The following EAF2 variants were observed in gnomAD, a reference collection of about 807,000 sequenced individuals.
EAF2 encodes ELL-associated factor 2.
In EAF2, 29 loss-of-function variants were observed where a neutral mutation model predicts 29.4. The observed-to-expected ratio is 0.99, with a 90% confidence interval of 0.73 to 1.35. EAF2 has a LOEUF of 1.35. EAF2 is among the 40% of genes most tolerant of loss of function. The pLI is 0.00. For missense variants in EAF2, 292 were observed against 312.0 expected (o/e 0.94, Z 0.48); for synonymous variants, 103 against 102.5 (o/e 1.00, Z -0.03).
In EAF2 at chr3:121,857,089, T is replaced by C. The variant is rs371539988; in HGVS notation, c.417T>C (p.Asn139=). Reference sequence around the variant, plus strand: ...TGTGGAATTCAGCCAGGACTCCCAATCTTGTAAAACATTCTCCATCTGAAG... The same window carrying C: ...TGTGGAATTCAGCCAGGACTCCCAACCTTGTAAAACATTCTCCATCTGAAG... ...QQMWNSARTP[N]LVKHSPSEDK... Residue 139 remains asparagine (N), a synonymous_variant, in exon 4 of 6, where the codon AAT becomes AAC. Coordinates refer to ENST00000273668, the MANE Select transcript of EAF2 (RefSeq NM_018456.6). 1.9e-6 allele frequency: 3 copies of C among 1,613,824 alleles called. No homozygotes were observed. The highest frequency in any genetic ancestry group is 1.3e-5 in the African/African-American group (1 of 75,042).
intron 2 of EAF2, among the ~76,000 whole-genome samples, chr3:121,853,953 T>C (rs1009116568): frequency 6.6e-6 from 1 of 152,118 alleles, no homozygotes; most frequent in Non-Finnish European, 1.5e-5. Flanking sequence ...TGTTCCTTAA[T>C]ATGCATAGGG....
At chr3:121,854,013 CAAT>C (rs1208011926) in intron 2 of EAF2, among the ~76,000 whole-genome samples, 2 of 151,924 alleles carry the variant, frequency 1.3e-5, no homozygotes, top group African/African-American at 4.8e-5. Flanking sequence ...ACTTATAAAG[CAAT>C]AAGAAAGAAG....
At chr3:121,857,904 G>A (rs908950681) in intron 4 of EAF2, among the ~76,000 whole-genome samples, 3 of 152,188 alleles carry the variant, frequency 2.0e-5, no homozygotes, top group Non-Finnish European at 4.4e-5. Flanking sequence ...CCACCTATGA[G>A]TGAGAACATG....
chr3:121,873,624 C>A (rs1299963745), intron 5 of EAF2, among the ~76,000 whole-genome samples: 1 of 151,750 alleles, frequency 6.6e-6, no homozygotes, highest in East Asian at 1.9e-4. Flanking sequence ...CTGCTTTATA[C>A]TTTTTAATAG....
chr3:121,882,468 A>G (rs930143819), intron 5 of EAF2, among the ~76,000 whole-genome samples: 1 of 152,174 alleles, frequency 6.6e-6, no homozygotes, highest in Non-Finnish European at 1.5e-5. Flanking sequence ...CATCATACTA[A>G]TAGAGACTTT....
chr3:121,850,893 G>A (rs1023043587), intron 2 of EAF2, among the ~76,000 whole-genome samples: 4 of 151,690 alleles, frequency 2.6e-5, no homozygotes, highest in African/African-American at 4.8e-5. Flanking sequence ...TAGAGTTGGG[G>A]GTTCACTATG....
intron 2 of EAF2, among the ~76,000 whole-genome samples, chr3:121,846,190 T>C (rs1337153053): frequency 6.6e-6 from 1 of 152,210 alleles, no homozygotes; most frequent in Non-Finnish European, 1.5e-5. Flanking sequence ...ATCTGCTGTC[T>C]TTTTCTTATT....
intron 4 of EAF2, among the ~76,000 whole-genome samples, chr3:121,870,449 A>T (rs1022759208): frequency 3.3e-5 from 5 of 152,222 alleles, no homozygotes; most frequent in African/African-American, 1.2e-4. Flanking sequence ...TTCAGAAATA[A>T]GTGTCTTGAA....
chr3:121,844,457 C>T lies in EAF2; in HGVS notation c.111C>T (p.Asp37=). Residue 37 remains aspartate (D), a synonymous_variant, in exon 2 of 6, where the codon GAC becomes GAT. Transcript: ENST00000273668. ...GGTATTTGTATCTATTTTTAGATGA[C>T]TTCAAACCTGCTTCTATTGACACTT... ...PRCAFHTVRY[D]FKPASIDTSS... is the part of the protein sequence containing the mutation. The T allele has an allele frequency of 6.2e-7, 1 of 1,604,720 alleles. No homozygotes were observed. The highest frequency in any genetic ancestry group is 1.1e-5 in the South Asian group (1 of 89,320).
chr3:121,860,855 A>G (rs1005449910), intron 4 of EAF2, among the ~76,000 whole-genome samples: 3 of 152,124 alleles, frequency 2.0e-5, no homozygotes, highest in African/African-American at 7.2e-5. Flanking sequence ...TGTCCCAGAG[A>G]TTCTGGTATG....
intron 5 of EAF2, among the ~76,000 whole-genome samples, chr3:121,878,156 A>G (rs1709132845): frequency 6.6e-6 from 1 of 152,162 alleles, no homozygotes; most frequent in South Asian, 2.1e-4. Flanking sequence ...AAAACTAACA[A>G]AATAGACCAA....
At chr3:121,846,300 C>T (rs1314448621) in intron 2 of EAF2, among the ~76,000 whole-genome samples, 6 of 152,080 alleles carry the variant, frequency 3.9e-5, no homozygotes, top group East Asian at 1.9e-4. Flanking sequence ...TTTGTATGGG[C>T]TTTTTATTGA....
intron 3 of EAF2, 44 bp from the exon 4 acceptor site, chr3:121,856,967 A>C (rs778931248): frequency 4.5e-6 from 7 of 1,547,682 alleles, no homozygotes; most frequent in Non-Finnish European, 6.1e-6. Context: ...TTTTTGTTAC[A>C]TTGCTGTCAT....
At position 121,857,057 on chromosome 3, in the gene EAF2, C is replaced by G; in HGVS notation, c.385C>G (p.Gln129Glu). The change falls in exon 4 of 6, where the codon CAA becomes GAA. Residue 129 changes from glutamine (Q) to glutamate (E), a missense_variant. Gln to Glu is a conservative substitution (Grantham distance 29, BLOSUM62 2). Transcript: ENST00000273668. The stretch of plus-strand genomic sequence containing the variant: ...TCAGTATCGTAAAGAACAACAGCAA[C>G]AACAAATGTGGAATTCAGCCAGGAC... ...KIQYRKEQQQ[Q>E]QMWNSARTPN... The G allele has an allele frequency of 6.2e-7, 1 of 1,613,762 alleles. No individual in the cohort carries two copies. Among genetic ancestry groups the G allele is most frequent in the South Asian group, 1.1e-5 (1 of 91,056 alleles).
chr3:121,859,592 A>G (rs979677817), intron 4 of EAF2, among the ~76,000 whole-genome samples: 5 of 152,088 alleles, frequency 3.3e-5, no homozygotes, highest in African/African-American at 9.7e-5. Context: ...GGGTTTTCTA[A>G]ATATACAATC....
At chr3:121,869,759 C>T (rs1051624252) in intron 4 of EAF2, among the ~76,000 whole-genome samples, 5 of 151,872 alleles carry the variant, frequency 3.3e-5, no homozygotes, top group Non-Finnish European at 4.4e-5. Context: ...TGGTGGTGTG[C>T]ACCTGAGTAG....
chr3:121,864,848 G>C (rs13319575), intron 4 of EAF2, among the ~76,000 whole-genome samples: 5,337 of 151,918 alleles, frequency 0.035, 325 homozygotes, highest in African/African-American at 0.12. Flanking sequence ...TAATAATTTA[G>C]CTCTGAGCTT....
intron 5 of EAF2, among the ~76,000 whole-genome samples, chr3:121,884,467 C>T (rs1001297134): frequency 1.3e-4 from 19 of 150,054 alleles, no homozygotes; most frequent in Non-Finnish European, 2.7e-4. Flanking sequence ...TTCACTCTGT[C>T]GCCAGGCTGG....
At chr3:121,859,138 G>A (rs558210212) in intron 4 of EAF2, among the ~76,000 whole-genome samples, 1 of 152,290 alleles carries the variant, frequency 6.6e-6, no homozygotes, top group Admixed American at 6.5e-5. Context: ...GCTTAGGATT[G>A]TCTTGGCAAT....
Sources: gnomAD v4.1 joint callset for allele counts (sites outside exome capture counted in the v4.1 genomes callset) on GRCh38, gnomAD v4.1.1 for gene constraint, MANE v1.5 for transcripts, NCBI Gene and HGNC (gene_info 2026-07-23, HGNC 2026-07-21) for gene names.